Variants in ASIC2 observed in about 807,000 individuals in gnomAD.
ASIC2 encodes acid sensing ion channel subunit 2, also known as acid-sensing ion channel 2.
In ASIC2, 25 loss-of-function variants were observed where a neutral mutation model predicts 57.3. That is an observed-to-expected ratio of 0.44 (90% CI 0.32 to 0.61). ASIC2 has a LOEUF of 0.61. Among genes scored for constraint, ASIC2 ranks in the 20% least tolerant of loss-of-function variants. ASIC2 has a pLI of 0.06. For missense variants in ASIC2, 641 were observed against 738.1 expected (o/e 0.87, Z 1.52); for synonymous variants, 319 against 307.5 (o/e 1.04, Z -0.39).
At chr17:34,006,132 AAGACTAATTGCT>A (rs1386749082) in intron 1 of ASIC2, 2 of 152,254 alleles carry the variant, frequency 1.3e-5, no homozygotes, top group Non-Finnish European at 2.9e-5. Flanking sequence ...TGCCCTGATA[AAGACTAATTGCT>A]AGAAGGGGAT....
intron 1 of ASIC2, among the ~76,000 whole-genome samples, chr17:33,483,234 T>C (rs1913468443): frequency 6.6e-6 from 1 of 152,240 alleles, no homozygotes; most frequent in Non-Finnish European, 1.5e-5. Context: ...TGAATTGCAG[T>C]GTGGGCTCCA....
intron 1 of ASIC2, among the ~76,000 whole-genome samples, chr17:33,738,689 C>A (rs995146649): frequency 6.6e-6 from 1 of 152,192 alleles, no homozygotes; most frequent in African/African-American, 2.4e-5. Flanking sequence ...TTGTTTCTGA[C>A]CTGCTCCTAG....
Position 33,949,066 on chromosome 17 carries a change from C to T in ASIC2, c.555+206912G>A, listed in dbSNP as rs140557722. Among the ~76,000 whole-genome samples the T allele has an allele frequency of 4.3e-3, 653 of 151,708 alleles. 8 individuals carry two copies. The highest frequency in any genetic ancestry group is 0.015 in the African/African-American group (617 of 41,400). On this transcript the variant is annotated intron_variant, in intron 1 of 9. Coordinates refer to the ASIC2 transcript ENST00000359872. ...ACATTTGAGTTTCATATAATGTTCA[C>T]GTGGCACAAAACCTTCTTCTTTTGA... is the stretch of plus-strand genomic sequence containing the variant.
intron 1 of ASIC2, among the ~76,000 whole-genome samples, chr17:33,422,571 TAG>T (rs1410758623): frequency 6.6e-6 from 1 of 152,158 alleles, no homozygotes; most frequent in East Asian, 1.9e-4. Flanking sequence ...TGTGCTCCAG[TAG>T]AGTCTCTCCA....
intron 1 of ASIC2, among the ~76,000 whole-genome samples, chr17:33,140,439 G>C (rs913361692): frequency 6.6e-5 from 10 of 152,154 alleles, no homozygotes; most frequent in African/African-American, 2.2e-4. Flanking sequence ...TGTGACTTTG[G>C]GTAAATTGCC....
chr17:34,030,294 T>C (rs776563310), intron 1 of ASIC2, among the ~76,000 whole-genome samples: 1 of 152,230 alleles, frequency 6.6e-6, no homozygotes, highest in Non-Finnish European at 1.5e-5. Flanking sequence ...AATCCACCCA[T>C]ACTTTCATTG....
chr17:33,562,923 C>A (rs1916120171), intron 1 of ASIC2, among the ~76,000 whole-genome samples: 2 of 152,282 alleles, frequency 1.3e-5, no homozygotes, highest in African/African-American at 4.8e-5. Flanking sequence ...TCTGCACTCC[C>A]TTAGTATTTA....
chr17:33,717,286 GA>G (rs1289501286), intron 1 of ASIC2, among the ~76,000 whole-genome samples: 1 of 152,138 alleles, frequency 6.6e-6, no homozygotes, highest in Admixed American at 6.5e-5. Context: ...GATATTACTG[GA>G]AAAAAATAGT....
rs1907141940 is a variant in ASIC2, at chr17:33,327,910, A to G, written c.556-215843T>C. 2.6e-5 allele frequency among the ~76,000 whole-genome samples: 4 copies of G among 152,188 alleles called. No homozygotes were observed. The South Asian group carries it at 8.3e-4, about 31-fold the overall frequency. On this transcript the variant is annotated intron_variant, in intron 1 of 9. Transcript: ENST00000359872. The stretch of plus-strand genomic sequence containing the variant: ...AGAGAGGCTTGGAGATACACAGCAT[A>G]TAGGGAAGAAGGCCACATGACAATA...
intron 1 of ASIC2, among the ~76,000 whole-genome samples, chr17:33,770,760 A>G (rs1911076956): frequency 6.6e-6 from 1 of 152,158 alleles, no homozygotes; most frequent in Non-Finnish European, 1.5e-5. Flanking sequence ...TTATAGCATT[A>G]ATGCTTTTCA....
Position 33,013,990 on chromosome 17 carries a change from C to A in ASIC2, c.1667G>T (p.Gly556Val). ...TVNVPLQTTLGTLEEIAC is the reference protein window; with the variant it reads ...TVNVPLQTTLVTLEEIAC ...TCAGCAGGCAATCTCCTCCAAGGTC[C>A]CCAGGGTCGTCTGCAGGGGCACGTT... Residue 556 changes from glycine to valine, a missense_variant, in exon 10 of 10, where the codon GGG (glycine) becomes GTG (valine). Physicochemically the swap from Gly to Val is moderately radical, Grantham distance 109. This residue lies in a region of ASIC2 where 252 missense variants were observed against 319.8 expected (regional missense o/e 0.79). Transcript: ENST00000225823. 1 of 1,600,198 alleles carries A rather than the reference C, an allele frequency of 6.2e-7. No individual in the cohort carries two copies. The highest frequency in any genetic ancestry group is 8.5e-7 in the Non-Finnish European group (1 of 1,173,060).
intron 1 of ASIC2, among the ~76,000 whole-genome samples, chr17:33,634,293 G>T (rs1906274714): frequency 6.6e-6 from 1 of 151,996 alleles, no homozygotes; most frequent in South Asian, 2.1e-4. Flanking sequence ...CCCCCTTCAG[G>T]TCTAACTAGT....
chr17:33,614,123 C>T (rs1300080727), intron 1 of ASIC2, among the ~76,000 whole-genome samples: 1 of 152,098 alleles, frequency 6.6e-6, no homozygotes, highest in African/African-American at 2.4e-5. Context: ...TAATTTTTTC[C>T]AGTTTTGTAG....
intron 1 of ASIC2, among the ~76,000 whole-genome samples, chr17:34,053,568 C>T (rs1845091600): frequency 6.6e-6 from 1 of 152,158 alleles, no homozygotes; most frequent in Admixed American, 6.5e-5. Flanking sequence ...ACACTGTGCA[C>T]TAAACATTTT....
intron 2 of ASIC2, among the ~76,000 whole-genome samples, chr17:33,091,944 T>G (rs1425336781): frequency 6.6e-6 from 1 of 152,218 alleles, no homozygotes; most frequent in Non-Finnish European, 1.5e-5. Flanking sequence ...TAATTAAAAC[T>G]TAAGTTTAAA....
At chr17:33,986,495 T>G (rs568938939) in intron 1 of ASIC2, among the ~76,000 whole-genome samples, 1 of 152,304 alleles carries the variant, frequency 6.6e-6, no homozygotes, top group African/African-American at 2.4e-5. Flanking sequence ...TTCATTTTCC[T>G]AAATCCTTCT....
At chr17:33,226,645 C>T (rs1050838510) in intron 1 of ASIC2, among the ~76,000 whole-genome samples, 3 of 152,158 alleles carry the variant, frequency 2.0e-5, no homozygotes, top group African/African-American at 7.2e-5. Flanking sequence ...GTCTCTGTCT[C>T]TCCAGCTCTT....
intron 1 of ASIC2, among the ~76,000 whole-genome samples, chr17:34,095,283 GAGC>G (rs1368809853): frequency 6.6e-6 from 1 of 152,136 alleles, no homozygotes. Flanking sequence ...CGGACTAAGG[GAGC>G]TCATGCTGTC....
chr17:33,312,144 T>G lies in ASIC2; in HGVS notation c.556-200077A>C, dbSNP rs114019355. Among the ~76,000 whole-genome samples the G allele has an allele frequency of 8.4e-3, 1,273 of 152,356 alleles. 12 individuals carry two copies. The highest frequency in any genetic ancestry group is 0.022 in the African/African-American group (934 of 41,572). ...TGTCTCCTTATCTTTAATGTGGAGTTAATAATATTGATACTGTAGATTTCT... is the reference window on the plus strand; with the variant it reads ...TGTCTCCTTATCTTTAATGTGGAGTGAATAATATTGATACTGTAGATTTCT... On this transcript the variant is annotated intron_variant, in intron 1 of 9. Coordinates refer to the ASIC2 transcript ENST00000359872.
Sources: gnomAD v4.1 joint callset for allele counts (sites outside exome capture counted in the v4.1 genomes callset) on GRCh38, gnomAD v4.1.1 for gene constraint, gnomAD v4.1.1 regional missense constraint, MANE v1.5 for transcripts, NCBI Gene and HGNC (gene_info 2026-07-23, HGNC 2026-07-21) for gene names.